UVRAG: variants seen among roughly 807,000 people sequenced by gnomAD.
The protein encoded by UVRAG is UV radiation resistance-associated gene protein.
A neutral mutation model predicts 78.0 loss-of-function variants in UVRAG; 19 were observed. The ratio of observed to expected loss-of-function variants is 0.24; its 90% CI spans 0.17 to 0.36. The LOEUF is 0.36. UVRAG is among the 10% of genes least tolerant of loss of function. UVRAG has a pLI of 1.00. For synonymous variants in UVRAG, 323 were observed against 324.6 expected (o/e 1.00, Z 0.05); for missense variants, 740 against 853.8 (o/e 0.87, Z 1.66).
chr11:75,982,590 G>T (rs1027199184), intron 7 of UVRAG, among the ~76,000 whole-genome samples: 1 of 152,192 alleles, frequency 6.6e-6, no homozygotes, highest in East Asian at 1.9e-4. Flanking sequence ...CATGGGACTC[G>T]TTTGGTTACT....
chr11:76,024,886 G>A (rs1243862847), intron 12 of UVRAG, among the ~76,000 whole-genome samples: 1 of 152,074 alleles, frequency 6.6e-6, no homozygotes, highest in Non-Finnish European at 1.5e-5. Context: ...ATCTTCATGG[G>A]AGATGGCAAG....
chr11:75,889,865 A>T (rs139882589), intron 5 of UVRAG, among the ~76,000 whole-genome samples: 1 of 152,258 alleles, frequency 6.6e-6, no homozygotes, highest in Non-Finnish European at 1.5e-5. Context: ...CTATATAAGC[A>T]TATAATGAGG....
chr11:76,120,203 A>G (rs1465287693), intron 14 of UVRAG, among the ~76,000 whole-genome samples: 2 of 152,206 alleles, frequency 1.3e-5, no homozygotes, highest in Non-Finnish European at 2.9e-5. Flanking sequence ...GAATGGGGAG[A>G]ATCTGGGCTT....
chr11:75,996,882 G>A (rs1456842227), intron 8 of UVRAG, among the ~76,000 whole-genome samples: 1 of 152,108 alleles, frequency 6.6e-6, no homozygotes, highest in Non-Finnish European at 1.5e-5. Context: ...ACTAATATTA[G>A]CTCTGACCTC....
At chr11:76,061,638 C>T (rs1056470700) in intron 12 of UVRAG, among the ~76,000 whole-genome samples, 16 of 151,728 alleles carry the variant, frequency 1.1e-4, no homozygotes, top group African/African-American at 3.9e-4. Context: ...TGCGGAGGTC[C>T]CAGCTTCACA....
At chr11:75,902,733 C>T (rs1947531203) in intron 5 of UVRAG, among the ~76,000 whole-genome samples, 1 of 151,968 alleles carries the variant, frequency 6.6e-6, no homozygotes, top group African/African-American at 2.4e-5. Flanking sequence ...TTGAGTTCTT[C>T]TTTGAAGTAG....
chr11:75,943,308 T>G (rs931259725), intron 6 of UVRAG, among the ~76,000 whole-genome samples: 7 of 151,296 alleles, frequency 4.6e-5, no homozygotes, highest in African/African-American at 1.5e-4. Context: ...TTCCTGTTTT[T>G]TTTTTTTTTT....
intron 4 of UVRAG, among the ~76,000 whole-genome samples, chr11:75,888,036 A>C (rs1947129897): frequency 6.6e-6 from 1 of 152,256 alleles, no homozygotes; most frequent in Admixed American, 6.5e-5. Flanking sequence ...AGTGGTTTGC[A>C]GACATTTAAG....
At chr11:75,884,240 T>TCTTTCTCTCTCTCTCTCTCTCTCTC (rs1555080662) in intron 4 of UVRAG, among the ~76,000 whole-genome samples, 2 of 132,470 alleles carry the variant, frequency 1.5e-5, no homozygotes, top group Non-Finnish European at 3.1e-5. Context: ...CTCTCTCTCT[T>TCTTTCTCTCTCTCTCTCTCTCTCTC]TCTCTCTCTC....
chr11:76,135,355 G>A (rs1952581827), intron 14 of UVRAG, among the ~76,000 whole-genome samples: 1 of 152,162 alleles, frequency 6.6e-6, no homozygotes, highest in African/African-American at 2.4e-5. Flanking sequence ...CACAGAATGA[G>A]AAACAAATTA....
intron 1 of UVRAG, among the ~76,000 whole-genome samples, chr11:75,844,670 T>A (rs1330376797): frequency 2.5e-5 from 3 of 120,894 alleles, no homozygotes; most frequent in Non-Finnish European, 5.8e-5. Flanking sequence ...ATGTTTCTCT[T>A]TTCTTTTCTT....
At chr11:75,862,935 A>G (rs1487047587) in intron 3 of UVRAG, among the ~76,000 whole-genome samples, 2 of 152,164 alleles carry the variant, frequency 1.3e-5, no homozygotes, top group South Asian at 2.1e-4. Flanking sequence ...GTTATCAATG[A>G]TGTGTTGTAT....
intron 12 of UVRAG, among the ~76,000 whole-genome samples, chr11:76,044,894 T>G (rs1950718198): frequency 6.9e-6 from 1 of 143,926 alleles, no homozygotes; most frequent in Admixed American, 6.6e-5. Context: ...GAACAGCAGG[T>G]GAAAGTAGCA....
At chr11:76,020,467 GTCCTTCCTTTT>G (rs1950225524) in intron 12 of UVRAG, among the ~76,000 whole-genome samples, 1 of 151,916 alleles carries the variant, frequency 6.6e-6, no homozygotes, top group Non-Finnish European at 1.5e-5. Flanking sequence ...CCAGGACTTG[GTCCTTCCTTTT>G]AAGGCAACAC....
rs986910360 is a variant in UVRAG, at chr11:75,834,813, C to CA, written c.118-17062dup. Among the ~76,000 whole-genome samples the CA allele has an allele frequency of 1.3e-4, 20 of 150,576 alleles. No homozygotes were observed. The East Asian group carries it at 1.4e-3, about 10-fold the overall frequency. On this transcript the variant is annotated intron_variant, in intron 1 of 14. Transcript: ENST00000356136. ...TGGGCAACAGAGTGAGACTCTGTCTCAAAAAAAACAAAAAACAAACCAACA... is the reference window on the plus strand; with the variant it reads ...TGGGCAACAGAGTGAGACTCTGTCTCAAAAAAAAACAAAAAACAAACCAACA...
At position 76,077,050 on chromosome 11, in the gene UVRAG, T is replaced by A. The variant is rs141254065; in HGVS notation, c.1305+11262T>A. Reference sequence around the variant, plus strand: ...AAAAGATGTCTATTGAAAGAATGAATGATGAATGAGTCAGTCAGAGATTGT... The same window carrying A: ...AAAAGATGTCTATTGAAAGAATGAAAGATGAATGAGTCAGTCAGAGATTGT... On this transcript the variant is annotated intron_variant, in intron 13 of 14. Transcript: ENST00000356136. 2.7e-5 allele frequency among the ~76,000 whole-genome samples: 4 copies of A among 149,840 alleles called. No homozygotes were observed. In the East Asian group the frequency reaches 7.8e-4, roughly 29 times the overall value.
At chr11:76,138,225 T>C (rs1288466909) in intron 14 of UVRAG, among the ~76,000 whole-genome samples, 1 of 152,246 alleles carries the variant, frequency 6.6e-6, no homozygotes, top group Non-Finnish European at 1.5e-5. Flanking sequence ...TCGTGTTCCC[T>C]TGTGGGACAC....
intron 9 of UVRAG, 120 bp downstream of exon 9, chr11:76,004,209 C>A: frequency 1.1e-6 from 1 of 909,910 alleles, no homozygotes. Flanking sequence ...CTCAGTACCA[C>A]ATTCGTTTAT....
At chr11:76,117,303 A>G (rs901235301) in intron 14 of UVRAG, among the ~76,000 whole-genome samples, 35 of 152,196 alleles carry the variant, frequency 2.3e-4, no homozygotes, top group African/African-American at 8.4e-4. Flanking sequence ...CACTAAATGA[A>G]TCTTGCTCAG....
Sources: gnomAD v4.1 joint callset for allele counts (sites outside exome capture counted in the v4.1 genomes callset) on GRCh38, gnomAD v4.1.1 for gene constraint, MANE v1.5 for transcripts, NCBI Gene and HGNC (gene_info 2026-07-23, HGNC 2026-07-21) for gene names.